Variants in AS3MT observed in about 807,000 individuals in gnomAD.
AS3MT encodes arsenite methyltransferase.
A neutral mutation model predicts 45.3 loss-of-function variants in AS3MT; 47 were observed. That is an observed-to-expected ratio of 1.04 (90% CI 0.82 to 1.32). The LOEUF is 1.32. AS3MT is among the 40% of genes most tolerant of loss of function. AS3MT has a pLI of 0.00. For synonymous variants in AS3MT, 141 were observed against 152.8 expected (o/e 0.92, Z 0.57); for missense variants, 396 against 451.1 (o/e 0.88, Z 1.11).
chr10:102,889,610 G>GCCTGCCTGCCTGCCTGCCTGCCTT (rs1564794775), intron 9 of AS3MT, among the ~76,000 whole-genome samples: 1 of 74,996 alleles, frequency 1.3e-5, no homozygotes, highest in Non-Finnish European at 3.0e-5. Context: ...CTGCCTGTCT[G>GCCTGCCTGCCTGCCTGCCTGCCTT]CCTGCCTTCC....
Position 102,873,128 on chromosome 10 carries a change from A to T in AS3MT, c.353A>T (p.His118Leu), listed in dbSNP as rs1026219260. Residue 118 changes from histidine to leucine, a missense_variant, in exon 5 of 11, where the codon CAC becomes CTC. Coordinates refer to ENST00000369880, the MANE Select transcript of AS3MT (RefSeq NM_020682.4). ...VEVAEKYLDYHMEKYGFQASN... is the reference protein window; with the variant it reads ...VEVAEKYLDYLMEKYGFQASN... ...GTGGCTGAAAAGTATCTTGACTATC[A>T]CATGGAAAAATATGGCTTCCAGGCA... 2.9e-5 allele frequency: 46 copies of T among 1,602,798 alleles called. No homozygotes were observed. The highest frequency in any genetic ancestry group is 3.7e-5 in the Non-Finnish European group (43 of 1,177,226).
Position 102,878,468 on chromosome 10 carries a change from A to G in AS3MT, c.700A>G (p.Asn234Asp), listed in dbSNP as rs188603798. The stretch of plus-strand genomic sequence containing the variant: ...CTGCCCTCCACGTTTGGTCACTGCC[A>G]ATCTCATTACAATTCAAAACAAGGA... ...GFCPPRLVTA[N>D]LITIQNKELE... The change falls in exon 8 of 11, where the codon AAT becomes GAT. Residue 234 changes from asparagine to aspartate, a missense_variant. Transcript: ENST00000369880. 1.8e-5 allele frequency: 29 copies of G among 1,614,136 alleles called. No individual in the cohort carries two copies. The highest frequency in any genetic ancestry group is 2.4e-5 in the Non-Finnish European group (28 of 1,180,032).
rs775114350 is a variant in AS3MT, at chr10:102,873,109, G to C, written c.334G>C (p.Glu112Gln). 6 of 1,583,704 alleles carry C rather than the reference G, an allele frequency of 3.8e-6. No homozygotes were observed. In the East Asian group the frequency reaches 1.1e-4, roughly 30 times the overall value. ...DMTKGQVEVA[E>Q]KYLDYHMEKY... The stretch of plus-strand genomic sequence containing the variant: ...TTTCTTACTTTAGGTGGAAGTGGCT[G>C]AAAAGTATCTTGACTATCACATGGA... Residue 112 changes from glutamate to glutamine, a missense_variant, in exon 5 of 11, where the codon GAA becomes CAA. Coordinates refer to ENST00000369880, the MANE Select transcript of AS3MT (RefSeq NM_020682.4).
chr10:102,890,499 A>C, intron 9 of AS3MT, 45 bp from the exon 10 acceptor site: 1 of 1,511,648 alleles, frequency 6.6e-7, no homozygotes, highest in Non-Finnish European at 8.9e-7. Context: ...TTCTATTGAG[A>C]CTAAAGTTGC....
intron 9 of AS3MT, among the ~76,000 whole-genome samples, chr10:102,889,677 A>AC (rs543952840): frequency 0.028 from 1,693 of 59,674 alleles, 32 homozygotes; most frequent in African/African-American, 0.085. Context: ...TCCTCCCTCC[A>AC]CCCCCCCCGC....
intron 9 of AS3MT, among the ~76,000 whole-genome samples, chr10:102,883,573 C>A (rs576719647): frequency 6.6e-6 from 1 of 151,830 alleles, no homozygotes; most frequent in Non-Finnish European, 1.5e-5. Flanking sequence ...ATTAGCCGGG[C>A]GTGGTGGCGT....
intron 7 of AS3MT, 30 bp downstream of exon 7, chr10:102,877,065 G>A (rs1404178396): frequency 6.3e-7 from 1 of 1,594,660 alleles, no homozygotes; most frequent in African/African-American, 1.3e-5. Flanking sequence ...TTAGTATTAA[G>A]GCAGATGGTT....
At chr10:102,897,866 G>A (rs760363393) in intron 10 of AS3MT, among the ~76,000 whole-genome samples, 6 of 152,158 alleles carry the variant, frequency 3.9e-5, no homozygotes, top group South Asian at 2.1e-4. Context: ...CCCAGTGTGC[G>A]TGCAACACAT....
At chr10:102,898,512 C>T (rs1290887703) in intron 10 of AS3MT, among the ~76,000 whole-genome samples, 1 of 152,012 alleles carries the variant, frequency 6.6e-6, no homozygotes. Context: ...AGGAGGATCA[C>T]CTGGGAGGCA....
chr10:102,888,868 TA>T (rs1564794458), intron 9 of AS3MT, among the ~76,000 whole-genome samples: 6,924 of 98,382 alleles, frequency 0.07, 519 homozygotes, highest in East Asian at 0.11. Flanking sequence ...TATATATATA[TA>T]TATATATATA....
intron 10 of AS3MT, among the ~76,000 whole-genome samples, chr10:102,892,322 A>C (rs1482856030): frequency 6.6e-6 from 1 of 152,102 alleles, no homozygotes; most frequent in African/African-American, 2.4e-5. Flanking sequence ...TCTGCTTTTC[A>C]CTGCAAATTC....
Position 102,891,436 on chromosome 10 carries a change from G to C in AS3MT, c.1020+758G>C, listed in dbSNP as rs558614148. On this transcript the variant is annotated intron_variant, in intron 10 of 10. Coordinates refer to ENST00000369880, the MANE Select transcript of AS3MT (RefSeq NM_020682.4). ...ATAGTTATTTGCATAAGTTTAGTAA[G>C]AGTCTTTTCTCTCAAAACAGGACAA... Among the ~76,000 whole-genome samples, 9 of 152,282 alleles carry C rather than the reference G, an allele frequency of 5.9e-5. No homozygotes were observed. In the South Asian group the frequency reaches 1.2e-3, roughly 21 times the overall value.
Position 102,900,838 on chromosome 10 carries a change from C to T in AS3MT, c.*138C>T. On this transcript the variant is annotated 3_prime_UTR_variant, in exon 11 of 11. Transcript: ENST00000369880. The stretch of plus-strand genomic sequence containing the variant: ...GTGGCTCATGCCTATAATCCCAGCA[C>T]TTTGGGAGGCCGAGGCAGGCAGATC... 1 of 622,384 alleles carries T rather than the reference C, an allele frequency of 1.6e-6. No individual in the cohort carries two copies. The highest frequency in any genetic ancestry group is 2.8e-6 in the Non-Finnish European group (1 of 361,566). The allele number at this position is 622,384 out of a possible 1,614,324, so 38.6% of individuals were successfully genotyped here. A position where few individuals can be genotyped will look rare whatever the true frequency, so the allele number is the denominator to read the frequency against.
intron 3 of AS3MT, 147 bp downstream of exon 3, chr10:102,870,358 T>C: frequency 4.6e-6 from 5 of 1,075,764 alleles, no homozygotes; most frequent in Non-Finnish European, 6.7e-6. Flanking sequence ...TCAGCACCCA[T>C]CATCTTACTG....
chr10:102,897,216 C>T (rs1051995716), intron 10 of AS3MT, among the ~76,000 whole-genome samples: 11 of 151,614 alleles, frequency 7.3e-5, no homozygotes, highest in Admixed American at 2.0e-4. Context: ...AACCCCGTCT[C>T]TACTAAAAAT....
At chr10:102,888,366 T>A (rs1171991630) in intron 9 of AS3MT, among the ~76,000 whole-genome samples, 1 of 152,242 alleles carries the variant, frequency 6.6e-6, no homozygotes, top group Non-Finnish European at 1.5e-5. Flanking sequence ...ATATAATTTG[T>A]AAAGATTAAA....
chr10:102,890,877 A>G (rs1018363004), intron 10 of AS3MT, among the ~76,000 whole-genome samples, 199 bp downstream of exon 10: 11 of 151,812 alleles, frequency 7.2e-5, no homozygotes, highest in Admixed American at 5.9e-4. Context: ...ACGCCCGGCT[A>G]ATTTTTGTGT....
intron 10 of AS3MT, among the ~76,000 whole-genome samples, chr10:102,894,568 G>C (rs1380292909): frequency 6.6e-6 from 1 of 152,170 alleles, no homozygotes; most frequent in Non-Finnish European, 1.5e-5. Context: ...GAGAAGTTTG[G>C]ACATGCCTCA....
At position 102,870,359 on chromosome 10, in the gene AS3MT, C is replaced by T. The variant is rs1423153093; in HGVS notation, c.170+148C>T. On this transcript the variant is annotated intron_variant, in intron 3 of 10. Transcript: ENST00000369880. Reference sequence around the variant, plus strand: ...AAAAATCCTAAATCTCAGCACCCATCATCTTACTGCTCTAAGAACCTCCGA... The same window carrying T: ...AAAAATCCTAAATCTCAGCACCCATTATCTTACTGCTCTAAGAACCTCCGA... The T allele has an allele frequency of 2.8e-6, 3 of 1,064,366 alleles. No homozygotes were observed. The Middle Eastern group carries it at 6.4e-4, about 228-fold the overall frequency. 65.9% of individuals were successfully genotyped at this position (1,064,366 alleles called of 1,614,324 possible).
Sources: gnomAD v4.1 joint callset for allele counts (sites outside exome capture counted in the v4.1 genomes callset) on GRCh38, gnomAD v4.1.1 for gene constraint, MANE v1.5 for transcripts, NCBI Gene and HGNC (gene_info 2026-07-23, HGNC 2026-07-21) for gene names.